NINL: variants seen among roughly 807,000 people sequenced by gnomAD.
NINL encodes the protein ninein-like protein.
In NINL, 153 loss-of-function variants were observed where a neutral mutation model predicts 160.3. The observed-to-expected ratio is 0.95, with a 90% CI of 0.84 to 1.09. The LOEUF is 1.09. NINL is among the 50% of genes least tolerant of loss of function. The pLI, the probability that NINL is intolerant of heterozygous loss-of-function variation, is 0.00. For synonymous variants in NINL, 800 were observed against 734.8 expected (o/e 1.09, Z -1.43); for missense variants, 1,829 against 1,764.0 (o/e 1.04, Z -0.66).
At chr20:25,469,387 C>A (rs1001574018) in intron 18 of NINL, among the ~76,000 whole-genome samples, 1 of 143,336 alleles carries the variant, frequency 7.0e-6, no homozygotes, top group African/African-American at 2.6e-5. Flanking sequence ...CCCCCTGACT[C>A]TCACTGGTGG....
At chr20:25,493,237 A>G (rs1026497750) in intron 10 of NINL, among the ~76,000 whole-genome samples, 1 of 152,174 alleles carries the variant, frequency 6.6e-6, no homozygotes, top group African/African-American at 2.4e-5. Flanking sequence ...GTGTCTCACA[A>G]GGAGCACTCT....
intron 1 of NINL, among the ~76,000 whole-genome samples, chr20:25,559,842 C>T (rs1275925397): frequency 6.6e-6 from 1 of 152,004 alleles, no homozygotes; most frequent in Non-Finnish European, 1.5e-5. Context: ...CCTGGCCTCA[C>T]ACAATCTTCC....
In NINL at chr20:25,479,117, G is replaced by A. The variant is rs759087221; in HGVS notation, c.2007C>T (p.Val669=). The change falls in exon 16 of 24, where the codon GTC becomes GTT. Residue 669 remains valine (V), a synonymous_variant. Transcript: ENST00000278886. The part of the protein sequence containing the change: ...KDMEQARRRE[V]SVLEGQKADL... ...CGGCCTTCTGACCCTCCAGCACGCT[G>A]ACCTCGCGCCTGCGAGCCTGCTCCA... The A allele has an allele frequency of 9.9e-6, 16 of 1,613,750 alleles. No homozygotes were observed. The East Asian group carries it at 3.1e-4, about 31-fold the overall frequency.
chr20:25,508,218 C>G (rs188741952), intron 5 of NINL, among the ~76,000 whole-genome samples: 134 of 152,350 alleles, frequency 8.8e-4, no homozygotes, highest in African/African-American at 3.1e-3. Flanking sequence ...CCCTGGCATT[C>G]AAGGATCATG....
At chr20:25,554,500 T>C (rs1198433796) in intron 1 of NINL, among the ~76,000 whole-genome samples, 1 of 151,912 alleles carries the variant, frequency 6.6e-6, no homozygotes, top group Non-Finnish European at 1.5e-5. Context: ...AACCTATGGC[T>C]GTAGCCAGGT....
At chr20:25,459,707 G>A (rs1042822148) in intron 21 of NINL, among the ~76,000 whole-genome samples, 4 of 152,088 alleles carry the variant, frequency 2.6e-5, no homozygotes, top group South Asian at 2.1e-4. Context: ...TCCTGGGACC[G>A]AACCCCCACT....
intron 18 of NINL, 126 bp downstream of exon 18, chr20:25,469,865 A>G: frequency 1.5e-6 from 1 of 686,538 alleles, no homozygotes; most frequent in Non-Finnish European, 2.6e-6. Flanking sequence ...CTCATGGTTT[A>G]GGGTTTTCTG....
intron 11 of NINL, among the ~76,000 whole-genome samples, chr20:25,491,150 G>A (rs1302153302): frequency 6.6e-6 from 1 of 152,262 alleles, no homozygotes. Flanking sequence ...GCAATGTCCT[G>A]CTGGCAAGCC....
chr20:25,519,207 C>G (rs2064219669), intron 2 of NINL, among the ~76,000 whole-genome samples: 1 of 151,436 alleles, frequency 6.6e-6, no homozygotes, highest in Non-Finnish European at 1.5e-5. Context: ...ATTAATAATA[C>G]TTTTACTGTC....
intron 2 of NINL, among the ~76,000 whole-genome samples, chr20:25,518,941 T>C (rs2064213056): frequency 6.6e-6 from 1 of 152,030 alleles, no homozygotes; most frequent in Non-Finnish European, 1.5e-5. Context: ...CTGCTAAAAA[T>C]TCAAAAATTA....
At chr20:25,511,828 C>T (rs1412795280) in intron 4 of NINL, among the ~76,000 whole-genome samples, 1 of 152,142 alleles carries the variant, frequency 6.6e-6, no homozygotes, top group Non-Finnish European at 1.5e-5. Context: ...TGGTTGTTTT[C>T]CCTCTTTGTC....
Position 25,526,473 on chromosome 20 carries a change from G to C in NINL, c.115C>G (p.Leu39Val). The C allele has an allele frequency of 6.2e-7, 1 of 1,614,212 alleles. No homozygotes were observed. The highest frequency in any genetic ancestry group is 1.7e-5 in the Admixed American group (1 of 60,024). ...ACGGGCAGCTGCTGCTCCAGGTGAA[G>C]CTTAAGGCAGAGCTGGGTCAGCTCC... Reference protein sequence around the residue: ...RQELTQLCLKLHLEQQLPVLL... With the variant: ...RQELTQLCLKVHLEQQLPVLL... The change falls in exon 2 of 24, where the codon CTT becomes GTT. Residue 39 changes from leucine to valine, a missense_variant. Leu to Val is a conservative substitution (Grantham distance 32, BLOSUM62 1). Coordinates refer to ENST00000278886, the MANE Select transcript of NINL (RefSeq NM_025176.6).
chr20:25,477,735 G>A (rs535864119), intron 16 of NINL, among the ~76,000 whole-genome samples: 1 of 152,294 alleles, frequency 6.6e-6, no homozygotes, highest in South Asian at 2.1e-4. Flanking sequence ...CCAGGAGCAG[G>A]CTGCTAGAGA....
chr20:25,470,837 CA>C (rs1315769754), intron 17 of NINL, among the ~76,000 whole-genome samples: 3 of 151,996 alleles, frequency 2.0e-5, no homozygotes, highest in Non-Finnish European at 2.9e-5. Context: ...TGTGAAAAAA[CA>C]AAAAAGATCA....
In NINL at chr20:25,458,461, G is replaced by T; in HGVS notation, c.3765C>A (p.Pro1255=). The T allele has an allele frequency of 6.2e-7, 1 of 1,604,668 alleles. No homozygotes were observed. Among genetic ancestry groups the T allele is most frequent in the Non-Finnish European group, 8.5e-7 (1 of 1,179,886 alleles). The change falls in exon 22 of 24, where the codon CCC becomes CCA. Residue 1255 remains proline (P), a synonymous_variant. Transcript: ENST00000278886. ...GATGCAGCTCGGCCACACGGTCCTG[G>T]GGCACCAGCCGGACCTCCTGCAAGT... ...AQHLQEVRLV[P]QDRVAELHRL...
chr20:25,516,146 C>T (rs1008341176), intron 3 of NINL, among the ~76,000 whole-genome samples: 3 of 152,094 alleles, frequency 2.0e-5, no homozygotes, highest in Non-Finnish European at 4.4e-5. Flanking sequence ...CATGTGAAGA[C>T]GTGCCTGCTT....
Position 25,476,487 on chromosome 20 carries a change from T to A in NINL, c.2804A>T (p.Gln935Leu). 1 of 1,605,346 alleles carries A rather than the reference T, an allele frequency of 6.2e-7. No homozygotes were observed. ...PFGASAAGLE[Q>L]PGARELPLLG... ...CAGAGGCAGCTCCCGGGCTCCAGGC[T>A]GCTCCAGCCCCGCTGCGCTCGCGCC... Residue 935 changes from glutamine (Q) to leucine (L), a missense_variant, in exon 17 of 24, where the codon CAG (glutamine) becomes CTG (leucine). Physicochemically the swap from Gln to Leu is moderately radical, Grantham distance 113 (BLOSUM62 -2). Coordinates refer to ENST00000278886, the MANE Select transcript of NINL (RefSeq NM_025176.6).
At chr20:25,576,905 A>G (rs2065122195) in intron 1 of NINL, among the ~76,000 whole-genome samples, 1 of 152,268 alleles carries the variant, frequency 6.6e-6, no homozygotes, top group Admixed American at 6.5e-5. Flanking sequence ...ACTATCAAGT[A>G]CAGTTTAAAA....
intron 5 of NINL, chr20:25,509,823 T>C: frequency 2.4e-6 from 1 of 414,226 alleles, no homozygotes; most frequent in Non-Finnish European, 4.7e-6. Context: ...TGTTTGCTTT[T>C]TAATGTCAAG....
Sources: gnomAD v4.1 joint callset for allele counts (sites outside exome capture counted in the v4.1 genomes callset) on GRCh38, gnomAD v4.1.1 for gene constraint, MANE v1.5 for transcripts, NCBI Gene and HGNC (gene_info 2026-07-23, HGNC 2026-07-21) for gene names.